Variants in RAD51B observed in about 807,000 individuals in gnomAD.
The protein encoded by RAD51B is RAD51 paralog B, also known as DNA repair protein RAD51 homolog 2.
In RAD51B, 38 loss-of-function variants were observed where a neutral mutation model predicts 42.2. The ratio of observed to expected loss-of-function variants is 0.90; its 90% CI spans 0.70 to 1.18. RAD51B has a LOEUF of 1.18. Among genes scored for constraint, RAD51B ranks in the 50% most tolerant of loss-of-function variants. The pLI, the probability that RAD51B is intolerant of heterozygous loss-of-function variation, is 0.00. For synonymous variants in RAD51B, 154 were observed against 145.2 expected, an observed-to-expected ratio of 1.06 and a Z score of -0.43; for missense variants, 373 against 400.7, an observed-to-expected ratio of 0.93 and a Z score of 0.59.
At chr14:68,014,695 A>AAAAT (rs199800534) in intron 7 of RAD51B, among the ~76,000 whole-genome samples, 28,357 of 150,328 alleles carry the variant, frequency 0.19, 2,848 homozygotes, top group Middle Eastern at 0.32. Flanking sequence ...AGGATCAGTA[A>AAAAT]AAATAAATAA....
intron 8 of RAD51B, among the ~76,000 whole-genome samples, chr14:68,386,685 C>G (rs1330019006): frequency 6.6e-6 from 1 of 152,160 alleles, no homozygotes; most frequent in African/African-American, 2.4e-5. Flanking sequence ...CCTTTTAGCA[C>G]TGGAGGTTCT....
chr14:68,547,851 C>A (rs1435568878), intron 10 of RAD51B, among the ~76,000 whole-genome samples: 1 of 152,186 alleles, frequency 6.6e-6, no homozygotes, highest in South Asian at 2.1e-4. Context: ...GACCTGCAGG[C>A]CTTTTTTAGG....
chr14:68,405,463 G>T (rs1345154759), intron 8 of RAD51B, among the ~76,000 whole-genome samples: 1 of 151,956 alleles, frequency 6.6e-6, no homozygotes, highest in East Asian at 1.9e-4. Context: ...TTTAAAAATT[G>T]CCTTTCATTA....
At chr14:68,522,573 T>G (rs1377372626) in intron 10 of RAD51B, among the ~76,000 whole-genome samples, 1 of 152,230 alleles carries the variant, frequency 6.6e-6, no homozygotes, top group East Asian at 1.9e-4. Context: ...AGCCATCTGA[T>G]TTCAAGCATG....
chr14:68,596,133 C>T (rs10133354), downstream of RAD51B: 551,995 of 706,870 alleles, frequency 0.78, 216,621 homozygotes, highest in African/African-American at 0.86. Flanking sequence ...CCACAACAGA[C>T]ACTTCTGGGG....
chr14:68,116,323 A>G (rs2077546992), intron 7 of RAD51B, among the ~76,000 whole-genome samples: 1 of 149,286 alleles, frequency 6.7e-6, no homozygotes, highest in Non-Finnish European at 1.5e-5. Context: ...TTTCATACAT[A>G]AAGCTCTGTA....
intron 7 of RAD51B, among the ~76,000 whole-genome samples, chr14:67,975,107 A>G (rs976652848): frequency 3.3e-5 from 5 of 152,140 alleles, no homozygotes; most frequent in Non-Finnish European, 1.5e-5. Flanking sequence ...TTTATTACCT[A>G]ATGGTTTCTG....
intron 9 of RAD51B, among the ~76,000 whole-genome samples, chr14:68,417,017 G>C (rs1438867869): frequency 6.6e-6 from 1 of 152,198 alleles, no homozygotes; most frequent in Non-Finnish European, 1.5e-5. Flanking sequence ...CTAAAGGGTA[G>C]ATGTGGGGCA....
At chr14:68,598,776 G>A (rs1891103479), downstream of RAD51B, among the ~76,000 whole-genome samples, 1 of 152,206 alleles carries the variant, frequency 6.6e-6, no homozygotes, top group Non-Finnish European at 1.5e-5. Flanking sequence ...GCAGTGTCAG[G>A]TTCCCCCTTT....
intron 7 of RAD51B, among the ~76,000 whole-genome samples, chr14:68,045,236 C>CAAAAAAAAAAAAAAAAAAAAAAAA (rs537073885): frequency 4.5e-5 from 1 of 22,080 alleles, no homozygotes; most frequent in Non-Finnish European, 8.3e-5. Context: ...AACTCTGTCT[C>CAAAAAAAAAAAAAAAAAAAAAAAA]AAAAAAAAAA....
intron 8 of RAD51B, among the ~76,000 whole-genome samples, chr14:68,369,487 A>G (rs544774424): frequency 6.6e-6 from 1 of 152,292 alleles, no homozygotes; most frequent in East Asian, 1.9e-4. Context: ...GTCTCATACC[A>G]TGGTTTCTTC....
intron 11 of RAD51B, among the ~76,000 whole-genome samples, chr14:68,672,215 C>A (rs999612982): frequency 2.0e-5 from 3 of 152,180 alleles, no homozygotes; most frequent in Admixed American, 2.0e-4. Context: ...CTGGAACTTT[C>A]CATGCAATCT....
At chr14:68,466,770 G>A (rs2085997374) in intron 9 of RAD51B, among the ~76,000 whole-genome samples, 1 of 152,218 alleles carries the variant, frequency 6.6e-6, no homozygotes, top group African/African-American at 2.4e-5. Flanking sequence ...TGCAAAAGAA[G>A]CAGAGAAATG....
At chr14:68,216,709 T>C (rs140205994) in intron 7 of RAD51B, among the ~76,000 whole-genome samples, 187 of 152,290 alleles carry the variant, frequency 1.2e-3, no homozygotes, top group African/African-American at 4.3e-3. Flanking sequence ...TCAAAGTATA[T>C]ATAATATTCC....
At chr14:67,959,980 G>A (rs1401385523) in intron 7 of RAD51B, among the ~76,000 whole-genome samples, 1 of 152,068 alleles carries the variant, frequency 6.6e-6, no homozygotes, top group Non-Finnish European at 1.5e-5. Flanking sequence ...AGCTGCTTGG[G>A]AGGCTGAGGC....
At chr14:68,678,966 T>TTCCCTTC (rs537564866) in intron 11 of RAD51B, among the ~76,000 whole-genome samples, 20 of 152,158 alleles carry the variant, frequency 1.3e-4, no homozygotes, top group Admixed American at 1.2e-3. Context: ...GACCCACCTC[T>TTCCCTTC]TCCCTTCTCC....
chr14:68,514,966 G>A (rs1377289042), intron 10 of RAD51B, among the ~76,000 whole-genome samples: 2 of 152,112 alleles, frequency 1.3e-5, no homozygotes, highest in Non-Finnish European at 2.9e-5. Context: ...TTTCTTCCCT[G>A]TCTTCTACAA....
intron 11 of RAD51B, among the ~76,000 whole-genome samples, chr14:68,681,556 C>T (rs961010280): frequency 6.6e-6 from 1 of 152,128 alleles, no homozygotes; most frequent in African/African-American, 2.4e-5. Context: ...CAGGCAGGTG[C>T]CTTTTGTCTG....
intron 7 of RAD51B, among the ~76,000 whole-genome samples, chr14:68,093,807 C>T (rs1423120065): frequency 6.6e-6 from 1 of 152,170 alleles, no homozygotes; most frequent in African/African-American, 2.4e-5. Context: ...TCTCTTCCTC[C>T]TTGCTACTGC....
Sources: gnomAD v4.1 joint callset for allele counts (sites outside exome capture counted in the v4.1 genomes callset) on GRCh38, gnomAD v4.1.1 for gene constraint, MANE v1.5 for transcripts, NCBI Gene and HGNC (gene_info 2026-07-23, HGNC 2026-07-21) for gene names.